The following NCOR1 variants were observed in gnomAD, a reference collection of about 807,000 sequenced individuals.
NCOR1 encodes the protein nuclear receptor corepressor 1, also known as protein phosphatase 1, regulatory subunit 109.
NCOR1 carries 63 observed loss-of-function variants against 288.1 expected under a neutral mutation model. The observed-to-expected ratio is 0.22, with a 90% confidence interval of 0.18 to 0.27. NCOR1 has a LOEUF of 0.27. NCOR1 is among the 10% of genes least tolerant of loss of function. The probability of loss-of-function intolerance (pLI) is 1.00; values close to 1 mark genes in which losing one functional copy is unlikely to be tolerated. For missense variants in NCOR1, 2,397 were observed against 3,019.2 expected, an observed-to-expected ratio of 0.79 and a Z score of 4.83; for synonymous variants, 1,007 against 1,065.9, an observed-to-expected ratio of 0.94 and a Z score of 1.08.
intron 1 of NCOR1, among the ~76,000 whole-genome samples, chr17:16,213,255 G>A (rs2092297368): frequency 6.6e-6 from 1 of 152,006 alleles, no homozygotes; most frequent in South Asian, 2.1e-4. Context: ...CACTTTGGGA[G>A]GCCAAGGCAG....
chr17:16,208,206 AT>A (rs757019446), intron 1 of NCOR1, among the ~76,000 whole-genome samples: 2,620 of 65,322 alleles, frequency 0.04, 18 homozygotes, highest in East Asian at 0.068. Context: ...ATGCCCAGCT[AT>A]TTTTTTTTTT....
chr17:16,037,833 T>A (rs2056732797), intron 44 of NCOR1, among the ~76,000 whole-genome samples: 1 of 152,230 alleles, frequency 6.6e-6, no homozygotes, highest in African/African-American at 2.4e-5. Flanking sequence ...CACCTCTGAC[T>A]GTGCTCTAAA....
At chr17:16,092,416 G>C (rs1270923526) in intron 21 of NCOR1, among the ~76,000 whole-genome samples, 1 of 151,876 alleles carries the variant, frequency 6.6e-6, no homozygotes, top group Non-Finnish European at 1.5e-5. Flanking sequence ...GAGCCTGGGA[G>C]GCAGAGGTTG....
chr17:16,170,395 G>GT lies in NCOR1; in HGVS notation c.435+1407dup, dbSNP rs201706685. Among the ~76,000 whole-genome samples, 1,486 of 152,148 alleles carry GT rather than the reference G, an allele frequency of 9.8e-3. 23 individuals carry two copies. The highest frequency in any genetic ancestry group is 0.034 in the African/African-American group (1,401 of 41,518). The stretch of plus-strand genomic sequence containing the variant: ...AAAAGACACTGGGAAAAATATTAGC[G>GT]TATGTTGGTAAAAAGGTTAACACTT... On this transcript the variant is annotated intron_variant, in intron 4 of 45. Coordinates refer to ENST00000268712, the MANE Select transcript of NCOR1 (RefSeq NM_006311.4).
At chr17:16,173,022 C>G (rs1410488881) in intron 3 of NCOR1, among the ~76,000 whole-genome samples, 1 of 152,138 alleles carries the variant, frequency 6.6e-6, no homozygotes, top group Non-Finnish European at 1.5e-5. Context: ...CCTCCACCTC[C>G]CGGATTCAAG....
intron 1 of NCOR1, among the ~76,000 whole-genome samples, chr17:16,199,653 G>A (rs1007057899): frequency 6.6e-6 from 1 of 152,184 alleles, no homozygotes; most frequent in Non-Finnish European, 1.5e-5. Flanking sequence ...TGAAGGGGAA[G>A]GGAGCACCTT....
chr17:16,084,440 A>G (rs1039987029), intron 23 of NCOR1: 15 of 152,926 alleles, frequency 9.8e-5, no homozygotes, highest in African/African-American at 3.6e-4. Context: ...TGGGAACCAA[A>G]AAAAGGGGGG....
intron 8 of NCOR1, among the ~76,000 whole-genome samples, chr17:16,151,118 A>C (rs2153377192): frequency 6.6e-6 from 1 of 151,936 alleles, no homozygotes; most frequent in Non-Finnish European, 1.5e-5. Flanking sequence ...TTCTGCTTAT[A>C]CTTAATAAAA....
chr17:16,160,811 G>A (rs1401434074), intron 5 of NCOR1, among the ~76,000 whole-genome samples: 1 of 151,930 alleles, frequency 6.6e-6, no homozygotes, highest in Non-Finnish European at 1.5e-5. Flanking sequence ...AAATAAATAA[G>A]AGTGACAGTC....
chr17:16,092,120 C>T (rs964290109), intron 21 of NCOR1, 62 bp from the exon 22 acceptor site: 1 of 1,553,846 alleles, frequency 6.4e-7, no homozygotes, highest in Admixed American at 1.7e-5. Context: ...CATCTCTTAA[C>T]AAGTAATGTA....
At chr17:16,083,763 C>T (rs984002876) in intron 23 of NCOR1, among the ~76,000 whole-genome samples, 45 of 152,076 alleles carry the variant, frequency 3.0e-4, no homozygotes, top group African/African-American at 1.1e-3. Context: ...CCACCTCTTC[C>T]CCACAACCTT....
chr17:16,184,756 A>C (rs1312544560), intron 3 of NCOR1, among the ~76,000 whole-genome samples: 1 of 152,170 alleles, frequency 6.6e-6, no homozygotes, highest in Non-Finnish European at 1.5e-5. Context: ...GTAAAGGTAA[A>C]TGCACTCCCA....
chr17:16,077,632 GGAAAAGAAAAGA>G (rs1201332797), intron 26 of NCOR1, among the ~76,000 whole-genome samples: 34 of 148,738 alleles, frequency 2.3e-4, no homozygotes, highest in East Asian at 8.0e-4. Flanking sequence ...AGGGAGGAAG[GGAAAAGAAAAGA>G]GAAAAGAAAA....
intron 35 of NCOR1, among the ~76,000 whole-genome samples, chr17:16,062,591 T>C (rs1421057237): frequency 2.0e-5 from 3 of 152,342 alleles, no homozygotes; most frequent in South Asian, 2.1e-4. Flanking sequence ...ACAAATCATA[T>C]AAGTTCATCT....
chr17:16,059,695 A>G (rs997062980), intron 37 of NCOR1, among the ~76,000 whole-genome samples: 12 of 152,326 alleles, frequency 7.9e-5, no homozygotes, highest in Admixed American at 5.2e-4. Flanking sequence ...ACTGCACTAC[A>G]GAATCTGAGA....
At chr17:16,172,109 A>G in intron 3 of NCOR1, 114 bp from the exon 4 acceptor site, 1 of 837,800 alleles carries the variant, frequency 1.2e-6, no homozygotes, top group Non-Finnish European at 1.8e-6. Flanking sequence ...GCTTACATTC[A>G]AAGTGAATCC....
intron 1 of NCOR1, among the ~76,000 whole-genome samples, chr17:16,206,388 T>C (rs1397554476): frequency 3.3e-5 from 5 of 151,770 alleles, no homozygotes; most frequent in Admixed American, 6.6e-5. Context: ...AATTACAGTA[T>C]TTTCTTTTCT....
At chr17:16,084,771 G>A (rs1384461331) in intron 23 of NCOR1, among the ~76,000 whole-genome samples, 3 of 152,184 alleles carry the variant, frequency 2.0e-5, no homozygotes, top group Admixed American at 1.3e-4. Context: ...AAAGATGAAT[G>A]TTAATCCTGA....
rs756381536 is a variant in NCOR1, at chr17:16,101,276, A to T, written c.2664T>A (p.Asp888Glu). ...DSSATCSADE[D>E]VDGEPERQRM... The stretch of plus-strand genomic sequence containing the variant: ...TCTGCCTCTCTGGCTCTCCATCCAC[A>T]TCCTCATCAGCGCTGCACGTGGCAC... Residue 888 changes from aspartate (D) to glutamate (E), a missense_variant, in exon 20 of 46, where the codon GAT (aspartate) becomes GAA (glutamate). Physicochemically the swap from Asp to Glu is conservative, Grantham distance 45. Around this residue, in one of 11 missense-constraint regions of NCOR1, gnomAD observed 1,872 missense variants for 2,187.8 expected, o/e 0.86. Coordinates refer to ENST00000268712, the MANE Select transcript of NCOR1 (RefSeq NM_006311.4). 6.2e-7 allele frequency: 1 copy of T among 1,605,680 alleles called. No individual in the cohort carries two copies.
Sources: allele counts gnomAD v4.1 joint callset (sites outside exome capture counted in the v4.1 genomes callset), GRCh38; gene constraint gnomAD v4.1.1; regional missense constraint gnomAD v4.1.1; transcripts MANE v1.5; gene names NCBI Gene and HGNC (gene_info 2026-07-23, HGNC 2026-07-21).